The following TPCN2 variants were observed in gnomAD, a reference collection of about 807,000 sequenced individuals.
The protein encoded by TPCN2 is two pore segment channel 2, also known as two pore channel protein 2.
A neutral mutation model predicts 111.4 loss-of-function variants in TPCN2; 92 were observed. The observed-to-expected ratio is 0.83, with a 90% CI of 0.70 to 0.98. TPCN2 has a LOEUF of 0.98. Ranked by LOEUF, TPCN2 falls within the 50% of genes least tolerant of loss-of-function variation. The probability of loss-of-function intolerance (pLI) is 0.00; values close to 1 mark genes in which losing one functional copy is unlikely to be tolerated. For synonymous variants in TPCN2, 405 were observed against 414.5 expected (o/e 0.98, Z 0.28); for missense variants, 995 against 980.1 (o/e 1.02, Z -0.20).
chr11:69,081,964 C>T (rs1004795615), intron 18 of TPCN2, among the ~76,000 whole-genome samples: 6 of 152,100 alleles, frequency 3.9e-5, no homozygotes, highest in Non-Finnish European at 5.9e-5. Context: ...CTTAATGCAC[C>T]GGTTAGGAGC....
chr11:69,085,315 A>C, intron 20 of TPCN2, 29 bp downstream of exon 20: 1 of 610,836 alleles, frequency 1.6e-6, no homozygotes, highest in Non-Finnish European at 3.0e-6. Flanking sequence ...TGCCACAGGG[A>C]GTGTCTCAGG....
intron 17 of TPCN2, among the ~76,000 whole-genome samples, chr11:69,081,055 G>A (rs1855984971): frequency 6.6e-6 from 1 of 152,060 alleles, no homozygotes; most frequent in Non-Finnish European, 1.5e-5. Flanking sequence ...GCTGGGGCCT[G>A]AGCTGGAGCA....
Position 69,082,837 on chromosome 11 carries a change from G to A in TPCN2, c.1690-1108G>A, listed in dbSNP as rs186126011. ...GCATGATCGTGTGTGCACACATCAC[G>A]TGCAGATATCCATGTGAACTCGTGC... On this transcript the variant is annotated intron_variant, in intron 18 of 24. Coordinates refer to ENST00000294309, the MANE Select transcript of TPCN2 (RefSeq NM_139075.4). 9.2e-3 allele frequency among the ~76,000 whole-genome samples: 1,043 copies of A among 112,986 alleles called. 145 individuals carry two copies. Among genetic ancestry groups the A allele is most frequent in the Admixed American group, 0.037 (413 of 11,116 alleles). The allele number at this position is 112,986 out of a possible 152,430, so 74.1% of individuals were successfully genotyped here.
At chr11:69,086,208 G>C (rs930182709) in intron 22 of TPCN2, among the ~76,000 whole-genome samples, 2 of 152,180 alleles carry the variant, frequency 1.3e-5, no homozygotes, top group Non-Finnish European at 2.9e-5. Flanking sequence ...CCATGGGGGT[G>C]GGGGAGCCCC....
At chr11:69,066,450 A>G (rs1178075540) in intron 7 of TPCN2, among the ~76,000 whole-genome samples, 1 of 152,124 alleles carries the variant, frequency 6.6e-6, no homozygotes, top group Non-Finnish European at 1.5e-5. Flanking sequence ...CCCCTCCCCC[A>G]GCAGACTGTG....
At chr11:69,049,206 C>T in intron 1 of TPCN2, 100 bp downstream of exon 1, 1 of 824,646 alleles carries the variant, frequency 1.2e-6, no homozygotes, top group Non-Finnish European at 1.6e-6. Flanking sequence ...GGGCGCGCCC[C>T]CACCAGGTTC....
At position 69,087,940 on chromosome 11, in the gene TPCN2, G is replaced by A; in HGVS notation, c.2246G>A (p.Trp749Ter). The change falls in exon 25 of 25, where the codon TGG becomes TAG. Residue 749 changes from tryptophan (W) to a stop codon, truncating the protein, a stop_gained. Coordinates refer to ENST00000294309, the MANE Select transcript of TPCN2 (RefSeq NM_139075.4). LOFTEE classifies it high-confidence loss of function. Reference sequence around the variant, plus strand: ...AGGCTGAGCCAGCACCCGCACCTGTGGCTGTGCAGGTGACGTCCGGGCTGC... The same window carrying A: ...AGGCTGAGCCAGCACCCGCACCTGTAGCTGTGCAGGTGACGTCCGGGCTGC... ...TERLSQHPHL[W>*]LCR The A allele has an allele frequency of 6.2e-7, 1 of 1,609,982 alleles. No individual in the cohort carries two copies. Among genetic ancestry groups the A allele is most frequent in the Non-Finnish European group, 8.5e-7 (1 of 1,179,312 alleles).
chr11:69,086,055 A>G, intron 22 of TPCN2, 125 bp downstream of exon 22: 1 of 943,492 alleles, frequency 1.1e-6, no homozygotes, highest in Admixed American at 2.0e-5. Context: ...GGGCCTTGAC[A>G]GGGAAGTCGG....
At chr11:69,049,128 AGG>A in intron 1 of TPCN2, 22 bp downstream of exon 1, 1 of 1,224,076 alleles carries the variant, frequency 8.2e-7, no homozygotes, top group Non-Finnish European at 1.0e-6. Flanking sequence ...GGACCTGGGG[AGG>A]GGACTGGCCC....
chr11:69,082,454 C>T (rs550509448), intron 18 of TPCN2, among the ~76,000 whole-genome samples: 1 of 152,422 alleles, frequency 6.6e-6, no homozygotes, highest in African/African-American at 2.4e-5. Flanking sequence ...ACCGTATGCA[C>T]AGATAATCAC....
In TPCN2 at chr11:69,062,783, C is replaced by T. The variant is rs78461382; in HGVS notation, c.547-101C>T. On this transcript the variant is annotated intron_variant, in intron 5 of 24. Transcript: ENST00000294309. ...GGCTCAGTGACTCTGGAGTGGCCCC[C>T]AGGGCACTGGGGTCTCTGAACCGTG... is the stretch of plus-strand genomic sequence containing the variant. 3.5e-6 allele frequency: 4 copies of T among 1,132,070 alleles called. No individual in the cohort carries two copies. The East Asian group carries it at 9.5e-5, about 27-fold the overall frequency. The allele number at this position is 1,132,070 out of a possible 1,614,324, so 70.1% of individuals were successfully genotyped here.
At chr11:69,080,020 G>C in intron 17 of TPCN2, 137 bp downstream of exon 17, 1 of 753,812 alleles carries the variant, frequency 1.3e-6, no homozygotes, top group Non-Finnish European at 2.1e-6. Flanking sequence ...TGGAATGGGT[G>C]GGCCGATCCC....
chr11:69,079,045 G>T (rs1455120334), intron 16 of TPCN2, 25 bp downstream of exon 16: 2 of 1,589,696 alleles, frequency 1.3e-6, no homozygotes, highest in Non-Finnish European at 1.7e-6. Flanking sequence ...TCCGAGGCCG[G>T]CCTCTACTGG....
At chr11:69,068,088 C>T (rs566637014) in intron 8 of TPCN2, among the ~76,000 whole-genome samples, 4 of 152,312 alleles carry the variant, frequency 2.6e-5, no homozygotes, top group South Asian at 2.1e-4. Flanking sequence ...TTACTGGCCA[C>T]GACGCTCACC....
chr11:69,049,207 C>A (rs2134500640), intron 1 of TPCN2, 101 bp downstream of exon 1: 1 of 824,102 alleles, frequency 1.2e-6, no homozygotes, highest in Non-Finnish European at 1.6e-6. Flanking sequence ...GGCGCGCCCC[C>A]ACCAGGTTCG....
rs760263859 is a variant in TPCN2, at chr11:69,067,589, G to T, written c.813G>T (p.Thr271=). Reference sequence around the variant, plus strand: ...CTTCCCTCCTGGTGCTGCTGACCACGGCCAACAACCCCGATGGTGCGTGCA... The same window carrying T: ...CTTCCCTCCTGGTGCTGCTGACCACTGCCAACAACCCCGATGGTGCGTGCA... ...SLTSLLVLLT[T]ANNPDVMIPA... Residue 271 remains threonine, a synonymous_variant, in exon 8 of 25, where the codon ACG becomes ACT. Coordinates refer to ENST00000294309, the MANE Select transcript of TPCN2 (RefSeq NM_139075.4). The T allele has an allele frequency of 1.2e-6, 2 of 1,613,886 alleles. No homozygotes were observed. The highest frequency in any genetic ancestry group is 1.7e-5 in the Admixed American group (1 of 60,026).
chr11:69,066,946 A>G (rs1855298619), intron 7 of TPCN2, among the ~76,000 whole-genome samples: 1 of 152,136 alleles, frequency 6.6e-6, no homozygotes, highest in Non-Finnish European at 1.5e-5. Context: ...CAGGAGGGAG[A>G]GAGGATAGGG....
chr11:69,078,365 G>A (rs1565092272), intron 13 of TPCN2, 117 bp from the exon 14 acceptor site: 11 of 1,299,662 alleles, frequency 8.5e-6, no homozygotes, highest in Non-Finnish European at 1.2e-5. Context: ...GGATAGATAG[G>A]ACGGGAGATG....
At chr11:69,077,123 GCCA>G (rs1855812929) in intron 13 of TPCN2, among the ~76,000 whole-genome samples, 1 of 115,318 alleles carries the variant, frequency 8.7e-6, no homozygotes, top group Non-Finnish European at 1.7e-5. Flanking sequence ...CTGCCCTCCT[GCCA>G]TGTCCCTCCA....
Sources: gnomAD v4.1 joint callset for allele counts (sites outside exome capture counted in the v4.1 genomes callset) on GRCh38, gnomAD v4.1.1 for gene constraint, MANE v1.5 for transcripts, NCBI Gene and HGNC (gene_info 2026-07-23, HGNC 2026-07-21) for gene names.